The following CACNA2D3 variants were observed in gnomAD, a reference collection of about 807,000 sequenced individuals.
CACNA2D3 encodes the protein calcium voltage-gated channel auxiliary subunit alpha2delta 3.
In CACNA2D3, 60 loss-of-function variants were observed where a neutral mutation model predicts 160.6. The observed-to-expected ratio is 0.37, with a 90% confidence interval of 0.30 to 0.46. The LOEUF is 0.46. Among genes scored for constraint, CACNA2D3 ranks in the 20% least tolerant of loss-of-function variants. The pLI, the probability that CACNA2D3 is intolerant of heterozygous loss-of-function variation, is 1.00. For synonymous variants in CACNA2D3, 558 were observed against 492.9 expected (o/e 1.13, Z -1.75); for missense variants, 1,205 against 1,365.0 (o/e 0.88, Z 1.85).
At chr3:55,039,310 T>C (rs1489885281) in intron 35 of CACNA2D3, among the ~76,000 whole-genome samples, 1 of 152,014 alleles carries the variant, frequency 6.6e-6, no homozygotes, top group Non-Finnish European at 1.5e-5. Flanking sequence ...AATTCAGAGA[T>C]TGACTACGGG....
chr3:54,424,890 C>CACGT (rs1337578035), intron 4 of CACNA2D3, among the ~76,000 whole-genome samples: 2 of 152,202 alleles, frequency 1.3e-5, no homozygotes, highest in African/African-American at 4.8e-5. Context: ...TTCCGATTAC[C>CACGT]ACGTTTCTGC....
intron 11 of CACNA2D3, among the ~76,000 whole-genome samples, chr3:54,745,627 A>G (rs1295881281): frequency 2.0e-5 from 3 of 152,214 alleles, no homozygotes; most frequent in African/African-American, 7.2e-5. Flanking sequence ...GGATGTTTGC[A>G]GCTTGACTTC....
At chr3:54,389,774 G>C (rs1699249287) in intron 4 of CACNA2D3, among the ~76,000 whole-genome samples, 1 of 152,188 alleles carries the variant, frequency 6.6e-6, no homozygotes, top group Non-Finnish European at 1.5e-5. Flanking sequence ...GAAGGAGAAA[G>C]AAATGTTGAG....
At chr3:54,215,274 A>G (rs1701440486) in intron 2 of CACNA2D3, among the ~76,000 whole-genome samples, 1 of 152,246 alleles carries the variant, frequency 6.6e-6, no homozygotes, top group Admixed American at 6.5e-5. Context: ...TGTCTACATT[A>G]TGAAATGATT....
intron 13 of CACNA2D3, among the ~76,000 whole-genome samples, chr3:54,785,757 C>T (rs1702629003): frequency 6.6e-6 from 1 of 152,174 alleles, no homozygotes; most frequent in Non-Finnish European, 1.5e-5. Flanking sequence ...TGGCCCAGAT[C>T]CTTGTTATAT....
rs534028152 is a variant in CACNA2D3 at position 54,341,047 on chromosome 3, G to A, written c.321+20489G>A. On this transcript the variant is annotated intron_variant, in intron 3 of 37. Transcript: ENST00000474759. Reference sequence around the variant, plus strand: ...TAGACTGCTCTTCCTCCAGATGGCTGGTGGCTTGCCCTGGACTTCTTCTGG... The same window carrying A: ...TAGACTGCTCTTCCTCCAGATGGCTAGTGGCTTGCCCTGGACTTCTTCTGG... 1.7e-4 allele frequency among the ~76,000 whole-genome samples: 26 copies of A among 152,324 alleles called. 1 individual carries two copies. In the South Asian group the frequency reaches 5.4e-3, roughly 32 times the overall value.
intron 11 of CACNA2D3, among the ~76,000 whole-genome samples, chr3:54,697,174 A>C (rs1327487686): frequency 6.6e-6 from 1 of 152,156 alleles, no homozygotes; most frequent in African/African-American, 2.4e-5. Context: ...GCTACTCAGG[A>C]GGCTAAGGTA....
At chr3:54,189,622 A>G (rs948761335) in intron 2 of CACNA2D3, among the ~76,000 whole-genome samples, 3 of 152,018 alleles carry the variant, frequency 2.0e-5, no homozygotes, top group Non-Finnish European at 2.9e-5. Flanking sequence ...AGGATTGGCA[A>G]ATTGCTGGGA....
intron 14 of CACNA2D3, among the ~76,000 whole-genome samples, chr3:54,833,637 A>C (rs940640824): frequency 3.3e-5 from 5 of 152,052 alleles, no homozygotes; most frequent in Admixed American, 3.3e-4. Context: ...CTATGGCAAG[A>C]GTATAGAATG....
chr3:55,023,185 T>C (rs1703497369), intron 35 of CACNA2D3, among the ~76,000 whole-genome samples: 1 of 152,170 alleles, frequency 6.6e-6, no homozygotes, highest in Non-Finnish European at 1.5e-5. Context: ...CTTTTAGCCT[T>C]GTACCTTTGT....
chr3:54,661,541 G>A (rs57773274), intron 11 of CACNA2D3, among the ~76,000 whole-genome samples: 213 of 152,106 alleles, frequency 1.4e-3, no homozygotes, highest in African/African-American at 4.9e-3. Flanking sequence ...TAGGAAAGGG[G>A]CTATATGCTC....
rs1702472517 is a variant in CACNA2D3 at position 54,570,239 on chromosome 3, A to T, written c.888+135A>T. On this transcript the variant is annotated intron_variant, in intron 8 of 37. Coordinates refer to ENST00000474759, the MANE Select transcript of CACNA2D3 (RefSeq NM_018398.3). ...CATGAGGCCTGGTTAGTCTCATGAA[A>T]GTTGACAGAGTCATGGACAGTGGAA... 7.7e-6 allele frequency: 7 copies of T among 914,836 alleles called. No homozygotes were observed. In the South Asian group the frequency reaches 1.1e-4, roughly 15 times the overall value. The allele number at this position is 914,836 out of a possible 1,614,324, so 56.7% of individuals were successfully genotyped here.
At chr3:54,559,292 T>C (rs765626899) in intron 5 of CACNA2D3, among the ~76,000 whole-genome samples, 4 of 152,078 alleles carry the variant, frequency 2.6e-5, no homozygotes, top group Non-Finnish European at 5.9e-5. Flanking sequence ...TTCCAACTTT[T>C]ATTTTATTTT....
chr3:54,537,578 C>T (rs894622686), intron 5 of CACNA2D3, among the ~76,000 whole-genome samples: 7 of 152,138 alleles, frequency 4.6e-5, no homozygotes, highest in African/African-American at 9.7e-5. Context: ...CGAGGCCCTA[C>T]GCTGAGCACC....
chr3:55,030,320 G>A (rs1703662325), intron 35 of CACNA2D3, among the ~76,000 whole-genome samples: 1 of 152,128 alleles, frequency 6.6e-6, no homozygotes, highest in African/African-American at 2.4e-5. Flanking sequence ...TTTAAAACAT[G>A]ACTATCACAT....
chr3:54,839,089 C>G (rs1302683727), intron 16 of CACNA2D3, among the ~76,000 whole-genome samples: 4 of 152,094 alleles, frequency 2.6e-5, no homozygotes, highest in African/African-American at 9.7e-5. Context: ...AACCCCGTCT[C>G]TACTAAAAAT....
intron 9 of CACNA2D3, chr3:54,626,276 TG>T: frequency 7.0e-7 from 1 of 1,432,590 alleles, no homozygotes; most frequent in South Asian, 1.2e-5. Context: ...GGCGTGGACC[TG>T]GACCAGCTGC....
At chr3:54,146,199 A>G (rs1305009806) in intron 2 of CACNA2D3, among the ~76,000 whole-genome samples, 1 of 152,086 alleles carries the variant, frequency 6.6e-6, no homozygotes, top group Non-Finnish European at 1.5e-5. Flanking sequence ...TAAGCCCTGT[A>G]TGCAGTACTG....
At chr3:54,349,179 C>A (rs1276104687) in intron 3 of CACNA2D3, among the ~76,000 whole-genome samples, 2 of 152,094 alleles carry the variant, frequency 1.3e-5, no homozygotes, top group Non-Finnish European at 2.9e-5. Context: ...GCTGTTCTTG[C>A]AATTGCAGCT....
Sources: gnomAD v4.1 joint callset for allele counts (sites outside exome capture counted in the v4.1 genomes callset) on GRCh38, gnomAD v4.1.1 for gene constraint, MANE v1.5 for transcripts, NCBI Gene and HGNC (gene_info 2026-07-23, HGNC 2026-07-21) for gene names.